Variants in NRG3 observed in about 807,000 individuals in gnomAD.
The protein encoded by NRG3 is pro-neuregulin-3, membrane-bound isoform.
In NRG3, 31 loss-of-function variants were observed where a neutral mutation model predicts 66.9. The ratio of observed to expected loss-of-function variants is 0.46; its 90% CI spans 0.35 to 0.63. The LOEUF (loss-of-function observed/expected upper bound fraction) is 0.63. Among genes scored for constraint, NRG3 ranks in the 20% least tolerant of loss-of-function variants. NRG3 has a pLI of 0.00. For synonymous variants in NRG3, 393 were observed against 359.4 expected, an observed-to-expected ratio of 1.09 and a Z score of -1.06; for missense variants, 910 against 878.9, an observed-to-expected ratio of 1.04 and a Z score of -0.45.
At chr10:82,576,053 G>A (rs666038) in intron 2 of NRG3, among the ~76,000 whole-genome samples, 12,777 of 151,710 alleles carry the variant, frequency 0.084, 617 homozygotes, top group East Asian at 0.15. Flanking sequence ...AACCTATATT[G>A]TATCCCTTCA....
intron 1 of NRG3, among the ~76,000 whole-genome samples, chr10:81,921,726 C>G (rs1323129009): frequency 6.6e-6 from 1 of 152,042 alleles, no homozygotes; most frequent in Non-Finnish European, 1.5e-5. Flanking sequence ...CTATAACATT[C>G]AGGGAAATTT....
At chr10:82,573,122 T>C (rs1264274363) in intron 2 of NRG3, among the ~76,000 whole-genome samples, 3 of 151,860 alleles carry the variant, frequency 2.0e-5, no homozygotes, top group African/African-American at 7.2e-5. Flanking sequence ...CTTTTCCTTT[T>C]GATCTTATTG....
At chr10:82,858,883 A>G (rs1247724702) in intron 3 of NRG3, among the ~76,000 whole-genome samples, 2 of 149,308 alleles carry the variant, frequency 1.3e-5, no homozygotes, top group Non-Finnish European at 3.0e-5. Context: ...CATACCTAGG[A>G]GGGAATTGGG....
chr10:82,585,761 C>T (rs2133257818), intron 2 of NRG3, among the ~76,000 whole-genome samples: 1 of 152,284 alleles, frequency 6.6e-6, no homozygotes, highest in South Asian at 2.1e-4. Flanking sequence ...TGCTCAGCCT[C>T]CTTCAAAGCA....
intron 2 of NRG3, among the ~76,000 whole-genome samples, chr10:82,362,143 A>T (rs759654451): frequency 1.5e-4 from 22 of 147,598 alleles, no homozygotes; most frequent in Non-Finnish European, 2.5e-4. Context: ...GGAGGAGTTG[A>T]AAGTGGGGGA....
At chr10:82,402,871 CCT>C (rs2136070423) in intron 2 of NRG3, among the ~76,000 whole-genome samples, 1 of 152,152 alleles carries the variant, frequency 6.6e-6, no homozygotes, top group African/African-American at 2.4e-5. Context: ...TCTGTGAGAT[CCT>C]CTTTCTCATT....
At chr10:82,568,632 G>C (rs185851198) in intron 2 of NRG3, among the ~76,000 whole-genome samples, 1 of 151,872 alleles carries the variant, frequency 6.6e-6, no homozygotes, top group East Asian at 2.0e-4. Flanking sequence ...ATATCGAAGA[G>C]CCAGGGTAAT....
chr10:82,477,419 C>A (rs1382115171), intron 2 of NRG3, among the ~76,000 whole-genome samples: 1 of 152,040 alleles, frequency 6.6e-6, no homozygotes, highest in Non-Finnish European at 1.5e-5. Flanking sequence ...GCACAGGGAC[C>A]CATTAACTGG....
At chr10:82,312,251 A>G (rs112875465) in intron 1 of NRG3, among the ~76,000 whole-genome samples, 11 of 152,308 alleles carry the variant, frequency 7.2e-5, no homozygotes, top group African/African-American at 2.4e-4. Flanking sequence ...CTTGATTTAC[A>G]TAAGTGTTGG....
intron 4 of NRG3, among the ~76,000 whole-genome samples, chr10:82,888,259 T>G (rs548848820): frequency 5.9e-5 from 9 of 152,318 alleles, no homozygotes; most frequent in Admixed American, 5.9e-4. Flanking sequence ...AGAGGTGTTT[T>G]GTACACACAC....
At chr10:82,240,206 A>T (rs2076947743) in intron 1 of NRG3, among the ~76,000 whole-genome samples, 1 of 152,076 alleles carries the variant, frequency 6.6e-6, no homozygotes, top group African/African-American at 2.4e-5. Flanking sequence ...ACCACTATCG[A>T]TATAATGTGA....
At chr10:82,877,262 T>C (rs1326759007) in intron 4 of NRG3, among the ~76,000 whole-genome samples, 1 of 151,844 alleles carries the variant, frequency 6.6e-6, no homozygotes, top group Non-Finnish European at 1.5e-5. Flanking sequence ...GTTCAGCCAG[T>C]CAGAATGTGT....
intron 1 of NRG3, among the ~76,000 whole-genome samples, chr10:82,050,851 C>T (rs2063559089): frequency 6.6e-6 from 1 of 152,022 alleles, no homozygotes; most frequent in Non-Finnish European, 1.5e-5. Context: ...TTCTCTCTAC[C>T]CACCGTTCAT....
intron 2 of NRG3, among the ~76,000 whole-genome samples, chr10:82,611,847 G>C (rs575934583): frequency 1.3e-5 from 2 of 152,302 alleles, no homozygotes; most frequent in East Asian, 3.9e-4. Flanking sequence ...TCACCACACT[G>C]TCTTCCACCA....
chr10:82,924,245 C>G (rs1405404847), intron 4 of NRG3, among the ~76,000 whole-genome samples: 1 of 152,132 alleles, frequency 6.6e-6, no homozygotes. Context: ...GAGTTTGTCA[C>G]TGAGACCTCA....
chr10:82,195,293 A>G (rs891822217), intron 1 of NRG3, among the ~76,000 whole-genome samples: 2 of 152,204 alleles, frequency 1.3e-5, no homozygotes, highest in African/African-American at 4.8e-5. Flanking sequence ...CGTGCAGTTG[A>G]GTCCAGCTTT....
At chr10:82,720,810 C>CATATATGTATATATATATATAT (rs2057258684) in intron 2 of NRG3, among the ~76,000 whole-genome samples, 1 of 114,740 alleles carries the variant, frequency 8.7e-6, no homozygotes, top group African/African-American at 4.4e-5. Context: ...GTATTTTATA[C>CATATATGTATATATATATATAT]ATATATATAT....
chr10:82,646,856 G>T (rs1270652597), intron 2 of NRG3, among the ~76,000 whole-genome samples: 1 of 152,020 alleles, frequency 6.6e-6, no homozygotes, highest in African/African-American at 2.4e-5. Context: ...CTGTCAGAAG[G>T]TAGTAAGTTG....
intron 1 of NRG3, among the ~76,000 whole-genome samples, chr10:82,046,190 T>C (rs374828360): frequency 6.7e-6 from 1 of 148,674 alleles, no homozygotes; most frequent in Non-Finnish European, 1.5e-5. Context: ...TTGATTCTTC[T>C]TACCCATGAG....
Sources: allele counts gnomAD v4.1 joint callset (sites outside exome capture counted in the v4.1 genomes callset), GRCh38; gene constraint gnomAD v4.1.1; transcripts MANE v1.5; gene names NCBI Gene and HGNC (gene_info 2026-07-23, HGNC 2026-07-21).